Variants in CRYL1 observed in about 807,000 individuals in gnomAD.
CRYL1 encodes lambda-crystallin homolog.
CRYL1 carries 29 observed loss-of-function variants against 36.6 expected under a neutral mutation model. The observed-to-expected ratio is 0.79, with a 90% CI of 0.59 to 1.08. The LOEUF is 1.08. Ranked by LOEUF, CRYL1 falls within the 50% of genes least tolerant of loss-of-function variation. The pLI is 0.00. For synonymous variants in CRYL1, 152 were observed against 151.5 expected (o/e 1.00, Z -0.02); for missense variants, 411 against 407.9 (o/e 1.01, Z -0.06).
At chr13:20,466,705 T>TGTGTGTGTGTGTGTGTGA (rs71866943) in intron 3 of CRYL1, among the ~76,000 whole-genome samples, 1 of 151,292 alleles carries the variant, frequency 6.6e-6, no homozygotes, top group East Asian at 2.0e-4. Context: ...TGTGTGTGTG[T>TGTGTGTGTGTGTGTGTGA]GTGTGTAGTT....
intron 6 of CRYL1, among the ~76,000 whole-genome samples, chr13:20,405,206 G>T (rs1260981304): frequency 6.6e-6 from 1 of 152,100 alleles, no homozygotes; most frequent in Non-Finnish European, 1.5e-5. Flanking sequence ...GGGAGGCAGA[G>T]GTTGCAGTGG....
At chr13:20,493,264 C>A (rs1200330299) in intron 2 of CRYL1, among the ~76,000 whole-genome samples, 1 of 152,220 alleles carries the variant, frequency 6.6e-6, no homozygotes, top group African/African-American at 2.4e-5. Flanking sequence ...CTGGACCCCA[C>A]ATGTGAATCT....
rs141946930 is a variant in CRYL1, at chr13:20,512,218, C to T, written c.149+225G>A. Among the ~76,000 whole-genome samples, 258 of 152,356 alleles carry T rather than the reference C, an allele frequency of 1.7e-3. 2 individuals are homozygous for T. Among genetic ancestry groups the T allele is most frequent in the African/African-American group, 5.8e-3 (241 of 41,588 alleles). On this transcript the variant is annotated intron_variant, in intron 2 of 7. Transcript: ENST00000298248. Reference sequence around the variant, plus strand: ...GTCACTCACGCTTGATGCAGATCCTCTTAGCAAGAAGGGTCATTTCCTCCC... The same window carrying T: ...GTCACTCACGCTTGATGCAGATCCTTTTAGCAAGAAGGGTCATTTCCTCCC...
intron 1 of CRYL1, among the ~76,000 whole-genome samples, chr13:20,524,053 C>G: frequency 6.6e-6 from 1 of 152,130 alleles, no homozygotes; most frequent in East Asian, 1.9e-4. Flanking sequence ...GAGTTCAAGA[C>G]CAACCAGGGC....
At chr13:20,464,630 CT>C (rs2032895906) in intron 3 of CRYL1, among the ~76,000 whole-genome samples, 1 of 152,128 alleles carries the variant, frequency 6.6e-6, no homozygotes, top group South Asian at 2.1e-4. Context: ...ACATTCATAA[CT>C]TTTGGCCATC....
At position 20,500,767 on chromosome 13, in the gene CRYL1, C is replaced by T. The variant is rs563260241; in HGVS notation, c.150-11271G>A. On this transcript the variant is annotated intron_variant, in intron 2 of 7. Transcript: ENST00000298248. The stretch of plus-strand genomic sequence containing the variant: ...GACAGAAAGATGGATGACCAGATGC[C>T]CCATGGTTGAGGAATCTATAAACAA... Among the ~76,000 whole-genome samples, 9 of 152,236 alleles carry T rather than the reference C, an allele frequency of 5.9e-5. No homozygotes were observed. In the South Asian group the frequency reaches 1.7e-3, roughly 28 times the overall value.
chr13:20,439,150 A>C (rs1376133705), intron 4 of CRYL1, among the ~76,000 whole-genome samples: 2 of 152,180 alleles, frequency 1.3e-5, no homozygotes, highest in Non-Finnish European at 2.9e-5. Context: ...GTGTTGAGTA[A>C]ACTACACAGT....
chr13:20,426,883 C>G, intron 5 of CRYL1: 1 of 985,516 alleles, frequency 1.0e-6, no homozygotes, highest in Non-Finnish European at 1.2e-6. Context: ...TCAATCTCTG[C>G]GGCCCAGGCC....
At chr13:20,434,059 C>T (rs947710394) in intron 4 of CRYL1, among the ~76,000 whole-genome samples, 1 of 152,232 alleles carries the variant, frequency 6.6e-6, no homozygotes, top group Non-Finnish European at 1.5e-5. Context: ...CCAGCACAGA[C>T]TTGTCTCATG....
chr13:20,478,911 A>G (rs531261596), intron 3 of CRYL1, among the ~76,000 whole-genome samples: 26 of 136,920 alleles, frequency 1.9e-4, no homozygotes, highest in African/African-American at 6.8e-4. Context: ...CGCCACACCA[A>G]GCCCAGCTAA....
At chr13:20,412,954 T>G (rs552253518) in intron 6 of CRYL1, among the ~76,000 whole-genome samples, 17 of 152,332 alleles carry the variant, frequency 1.1e-4, no homozygotes, top group Admixed American at 4.6e-4. Flanking sequence ...AATGTCATCA[T>G]CTTCCTCAGG....
chr13:20,413,314 C>T lies in CRYL1; in HGVS notation c.707G>A (p.Gly236Glu). 6.2e-7 allele frequency: 1 copy of T among 1,613,572 alleles called. No homozygotes were observed. The highest frequency in any genetic ancestry group is 8.5e-7 in the Non-Finnish European group (1 of 1,179,608). ...ATTGAGATGCATGGTTTCCAGGGGT[C>T]CAATGAATGCATACCGCATGCCCAA... is the stretch of plus-strand genomic sequence containing the variant. ...EGLGMRYAFI[G>E]PLETMHLNAE... The change falls in exon 6 of 8, where the codon GGA becomes GAA. Residue 236 changes from glycine to glutamate, a missense_variant. Transcript: ENST00000298248.
intron 5 of CRYL1, chr13:20,431,274 C>G: frequency 2.0e-6 from 2 of 985,404 alleles, no homozygotes; most frequent in Non-Finnish European, 2.4e-6. Context: ...AACTGTGGAG[C>G]CAGGTGCAGA....
chr13:20,483,700 A>G (rs886088284), intron 3 of CRYL1, among the ~76,000 whole-genome samples: 1 of 151,368 alleles, frequency 6.6e-6, no homozygotes, highest in Non-Finnish European at 1.5e-5. Flanking sequence ...CCACCATGCC[A>G]TGCTAATTTT....
chr13:20,495,778 C>T (rs2033594446), intron 2 of CRYL1, among the ~76,000 whole-genome samples: 2 of 152,232 alleles, frequency 1.3e-5, no homozygotes, highest in South Asian at 4.1e-4. Flanking sequence ...CATGGTTTCA[C>T]ACCTACGGTG....
chr13:20,447,540 G>A (rs2032482867), intron 3 of CRYL1, among the ~76,000 whole-genome samples: 2 of 151,656 alleles, frequency 1.3e-5, no homozygotes, highest in South Asian at 4.2e-4. Context: ...AGGCTGACAA[G>A]TATTAGGTAA....
intron 5 of CRYL1, chr13:20,431,316 CG>C (rs2032054578): frequency 1.0e-6 from 1 of 985,314 alleles, no homozygotes; most frequent in Non-Finnish European, 1.2e-6. Flanking sequence ...CCTCCCTACG[CG>C]GTGCAGCTGG....
At chr13:20,436,732 T>C (rs1565963687) in intron 4 of CRYL1, among the ~76,000 whole-genome samples, 3 of 152,176 alleles carry the variant, frequency 2.0e-5, no homozygotes, top group Non-Finnish European at 4.4e-5. Context: ...CAGGCTTCTC[T>C]GTGTGGGCAG....
At chr13:20,413,232 A>G (rs762251917) in intron 6 of CRYL1, 50 bp downstream of exon 6, 1 of 1,314,176 alleles carries the variant, frequency 7.6e-7, no homozygotes, top group South Asian at 1.2e-5. Context: ...TACAAAACCC[A>G]TGACAACACT....
Sources: allele counts gnomAD v4.1 joint callset (sites outside exome capture counted in the v4.1 genomes callset), GRCh38; gene constraint gnomAD v4.1.1; transcripts MANE v1.5; gene names NCBI Gene and HGNC (gene_info 2026-07-23, HGNC 2026-07-21).